The following SH3BP2 variants were observed in gnomAD, a reference collection of about 807,000 sequenced individuals.
SH3BP2 encodes the protein SH3 domain binding protein 2.
In SH3BP2, 38 loss-of-function variants were observed where a neutral mutation model predicts 56.2. The observed-to-expected ratio is 0.68, with a 90% confidence interval of 0.52 to 0.89. The LOEUF (loss-of-function observed/expected upper bound fraction) is 0.89. SH3BP2 is among the 40% of genes least tolerant of loss of function. SH3BP2 has a pLI of 0.00. For synonymous variants in SH3BP2, 346 were observed against 316.7 expected (o/e 1.09, Z -0.98); for missense variants, 748 against 762.6 (o/e 0.98, Z 0.23).
rs529199090 is a variant in SH3BP2 at position 2,799,486 on chromosome 4, C to T, written c.-5+6348C>T. The stretch of plus-strand genomic sequence containing the variant: ...GACCAGGAGGGTGATGTTTTGTGGT[C>T]GGGGTGGCTGTGCCTGCCTCTGGGG... On this transcript the variant is annotated intron_variant, in intron 1 of 12. Coordinates refer to ENST00000503393, the MANE Select transcript of SH3BP2 (RefSeq NM_001122681.2). Among the ~76,000 whole-genome samples, 142 of 152,206 alleles carry T rather than the reference C, an allele frequency of 9.3e-4. 1 individual carries two copies. The highest frequency in any genetic ancestry group is 2.1e-3 in the East Asian group (11 of 5,174).
intron 1 of SH3BP2, among the ~76,000 whole-genome samples, chr4:2,798,802 A>T (rs172998): frequency 0.4 from 60,445 of 152,092 alleles, 13,431 homozygotes; most frequent in East Asian, 0.52. Context: ...CCAGGCTGAG[A>T]CCTCTAGGAA....
chr4:2,798,312 C>T (rs1227813984), intron 1 of SH3BP2, among the ~76,000 whole-genome samples: 1 of 152,228 alleles, frequency 6.6e-6, no homozygotes, highest in Non-Finnish European at 1.5e-5. Flanking sequence ...CCTACCTGTG[C>T]CACCAGGGCT....
In SH3BP2 at chr4:2,824,703, C is replaced by T. The variant is rs764725571; in HGVS notation, c.330C>T (p.Phe110=). Residue 110 remains phenylalanine (F), a synonymous_variant, in exon 4 of 13, where the codon TTC becomes TTT. Coordinates refer to ENST00000503393, the MANE Select transcript of SH3BP2 (RefSeq NM_001122681.2). ...HISKKHRTWF[F]SASSEEERKS... The stretch of plus-strand genomic sequence containing the variant: ...GCAAGAAGCACCGCACGTGGTTCTT[C>T]TCGGCCTCCTCCGAGGAGGAGCGCA... 15 of 1,613,488 alleles carry T rather than the reference C, an allele frequency of 9.3e-6. No individual in the cohort carries two copies. The highest frequency in any genetic ancestry group is 1.2e-5 in the Non-Finnish European group (14 of 1,179,672).
intron 1 of SH3BP2, among the ~76,000 whole-genome samples, 186 bp from the exon 2 acceptor site, chr4:2,820,428 T>TGG (rs1178705461): frequency 6.6e-6 from 1 of 152,120 alleles, no homozygotes; most frequent in Non-Finnish European, 1.5e-5. Flanking sequence ...GTGGAGCCCG[T>TGG]GGCTCTGTCT....
At chr4:2,825,075 T>A (rs1470757647) in intron 4 of SH3BP2, 51 bp from the exon 5 acceptor site, 2 of 1,501,420 alleles carry the variant, frequency 1.3e-6, no homozygotes, top group Non-Finnish European at 1.8e-6. Flanking sequence ...AGGGGTGCGG[T>A]GGGGCCCACC....
Position 2,839,561 on chromosome 4 carries a change from TC to T in SH3BP2, c.*5729del, listed in dbSNP as rs1267265549. 1 of 152,028 alleles carries T rather than the reference TC, an allele frequency of 6.6e-6. No homozygotes were observed. The highest frequency in any genetic ancestry group is 2.4e-5 in the African/African-American group (1 of 41,374). 9.4% of individuals were successfully genotyped at this position (152,028 alleles called of 1,614,324 possible). On this transcript the variant is annotated 3_prime_UTR_variant, in exon 13 of 13. Coordinates refer to ENST00000503393, the MANE Select transcript of SH3BP2 (RefSeq NM_001122681.2). ...AACTCTGGCTTGACTGTTTATGGTG[TC>T]CTTTTTTTTTGGGGGGGGTTTTTTG...
intron 1 of SH3BP2, chr4:2,812,264 G>A: frequency 1.3e-6 from 2 of 1,538,316 alleles, no homozygotes; most frequent in East Asian, 2.5e-5. Context: ...CCCGGGTGGG[G>A]AGGAAGCACC....
At chr4:2,814,675 G>A (rs1334736838) in intron 1 of SH3BP2, 1 of 152,272 alleles carries the variant, frequency 6.6e-6, no homozygotes. Flanking sequence ...GCCCCAGAGA[G>A]CAGCTGCAGA....
At chr4:2,825,928 G>A (rs893264357) in intron 5 of SH3BP2, among the ~76,000 whole-genome samples, 2 of 152,244 alleles carry the variant, frequency 1.3e-5, no homozygotes, top group South Asian at 2.1e-4. Context: ...TTCCTGGCCC[G>A]AGACGATGTG....
chr4:2,811,221 A>G (rs1226144127), intron 1 of SH3BP2, among the ~76,000 whole-genome samples: 1 of 152,188 alleles, frequency 6.6e-6, no homozygotes, highest in Non-Finnish European at 1.5e-5. Context: ...CACCTAGGCT[A>G]TGGGACAGCT....
intron 1 of SH3BP2, chr4:2,818,399 C>G (rs1724107481): frequency 8.5e-7 from 1 of 1,171,754 alleles, no homozygotes; most frequent in Non-Finnish European, 1.1e-6. Context: ...CCGTGAGTAC[C>G]GAGCCCCGGC....
At position 2,829,649 on chromosome 4, in the gene SH3BP2, G is replaced by T; in HGVS notation, c.743G>T (p.Gly248Val). The change falls in exon 8 of 13, where the codon GGC (glycine) becomes GTC (valine). Residue 248 changes from glycine to valine, a missense_variant. Coordinates refer to ENST00000503393, the MANE Select transcript of SH3BP2 (RefSeq NM_001122681.2). The surrounding 1 kb of genome is among the most constrained non-coding windows in gnomAD (Gnocchi z 4.9). ...CCTAAGCACGGCCTCCCAGATGTTG[G>T]CCTGGCTGCTGAGGACTCCAAGAGG... ...PPPKHGLPDV[G>V]LAAEDSKRDP... The T allele has an allele frequency of 6.2e-7, 1 of 1,613,132 alleles. No homozygotes were observed. Among genetic ancestry groups the T allele is most frequent in the Non-Finnish European group, 8.5e-7 (1 of 1,179,872 alleles).
intron 2 of SH3BP2, among the ~76,000 whole-genome samples, chr4:2,821,907 G>A (rs534565949): frequency 6.6e-6 from 1 of 151,004 alleles, no homozygotes; most frequent in Non-Finnish European, 1.5e-5. Context: ...TTGCTCTGTT[G>A]CCCAGGCTGG....
Position 2,833,029 on chromosome 4 carries a change from A to G in SH3BP2, c.1528A>G (p.Asn510Asp). 1 of 1,614,152 alleles carries G rather than the reference A, an allele frequency of 6.2e-7. No homozygotes were observed. The highest frequency in any genetic ancestry group is 8.5e-7 in the Non-Finnish European group (1 of 1,180,008). Residue 510 changes from asparagine (N) to aspartate (D), a missense_variant, in exon 12 of 13, where the codon AAC becomes GAC. Coordinates refer to ENST00000503393, the MANE Select transcript of SH3BP2 (RefSeq NM_001122681.2). ...GGACGAAACCTCTAACAAAGTGAGG[A>G]ACTATCGCATTTTTGAGAAGGTGAG... ...VWDETSNKVRNYRIFEKDSKF... is the reference protein window; with the variant it reads ...VWDETSNKVRDYRIFEKDSKF...
intron 1 of SH3BP2, among the ~76,000 whole-genome samples, chr4:2,801,934 C>A (rs1476635925): frequency 6.6e-6 from 1 of 151,754 alleles, no homozygotes; most frequent in Non-Finnish European, 1.5e-5. Flanking sequence ...GTGGTGAAAC[C>A]CCGGCTCTAC....
intron 5 of SH3BP2, chr4:2,826,985 ATG>A: frequency 1.5e-6 from 1 of 658,020 alleles, no homozygotes; most frequent in Non-Finnish European, 2.8e-6. Flanking sequence ...TTGTCAGAGT[ATG>A]TGTGCATGTG....
Position 2,829,570 on chromosome 4 carries a change from C to T in SH3BP2, c.664C>T (p.Arg222Trp), listed in dbSNP as rs201459890. The T allele has an allele frequency of 2.0e-5, 32 of 1,613,280 alleles. No individual in the cohort carries two copies. Among genetic ancestry groups the T allele is most frequent in the East Asian group, 2.2e-5 (1 of 44,874 alleles). ...PRKPAFSDMP[R>W]AHSFTSKGPG... ...GAAGCCAGCCTTCTCTGACATGCCC[C>T]GGGCCCACTCCTTTACCTCCAAGGG... Residue 222 changes from arginine to tryptophan, a missense_variant, in exon 8 of 13, where the codon CGG becomes TGG. Arg to Trp is a moderately radical substitution (Grantham distance 101, BLOSUM62 -3). Around this residue, in one of 3 missense-constraint regions of SH3BP2, gnomAD observed 635 missense variants for 615.0 expected, o/e 1.03. Transcript: ENST00000503393. The surrounding 1 kb of genome is among the most constrained non-coding windows in gnomAD (Gnocchi z 4.9).
chr4:2,797,722 G>A (rs775270957), intron 1 of SH3BP2, among the ~76,000 whole-genome samples: 1 of 152,164 alleles, frequency 6.6e-6, no homozygotes, highest in Non-Finnish European at 1.5e-5. Flanking sequence ...CCTCCTGCTT[G>A]GGAACTCAGG....
Position 2,829,443 on chromosome 4 carries a change from T to C in SH3BP2, c.587-50T>C. 6.3e-7 allele frequency: 1 copy of C among 1,596,414 alleles called. No homozygotes were observed. The highest frequency in any genetic ancestry group is 1.1e-5 in the South Asian group (1 of 90,746). On this transcript the variant is annotated intron_variant, in intron 7 of 12. Transcript: ENST00000503393. This position sits in a 1 kb window ranked among gnomAD's most constrained non-coding sequence, Gnocchi z 4.9. ...GCTGACCACTGCCAGCAGAGGATAGTGTTGGCCCAGTCTCTGTCAGGGTCC... is the reference window on the plus strand; with the variant it reads ...GCTGACCACTGCCAGCAGAGGATAGCGTTGGCCCAGTCTCTGTCAGGGTCC...
Sources: gnomAD v4.1 joint callset for allele counts (sites outside exome capture counted in the v4.1 genomes callset) on GRCh38, gnomAD v4.1.1 for gene constraint, gnomAD v4.1.1 regional missense constraint, Gnocchi (gnomAD v3.1) non-coding constraint, MANE v1.5 for transcripts, NCBI Gene and HGNC (gene_info 2026-07-23, HGNC 2026-07-21) for gene names.